Variants in SHOX2 observed in about 807,000 individuals in gnomAD.
The protein encoded by SHOX2 is SHOX homeobox 2, also known as short stature homeobox protein 2.
Under a neutral mutation model 31.3 loss-of-function variants are expected in SHOX2, and 13 were observed. The observed-to-expected ratio is 0.42, with a 90% CI of 0.27 to 0.66. The LOEUF (loss-of-function observed/expected upper bound fraction) is 0.66. Among genes scored for constraint, SHOX2 ranks in the 30% least tolerant of loss-of-function variants. The probability of loss-of-function intolerance (pLI) is 0.27; values close to 1 mark genes in which losing one functional copy is unlikely to be tolerated. For synonymous variants in SHOX2, 244 were observed against 196.2 expected (o/e 1.24, Z -2.04); for missense variants, 473 against 443.0 (o/e 1.07, Z -0.61).
chr3:158,098,018 G>T lies in SHOX2; in HGVS notation c.*9C>A. On this transcript the variant is annotated 3_prime_UTR_variant, in exon 5 of 5. Transcript: ENST00000483851. ...CGGGACAGGCGCGACATTGGTGCTG[G>T]CGTTGGCGTCACAGACCCAGGGCTG... 1.9e-6 allele frequency: 3 copies of T among 1,580,976 alleles called. No homozygotes were observed. The highest frequency in any genetic ancestry group is 2.2e-5 in the East Asian group (1 of 44,500).
In SHOX2 at chr3:158,102,724, C is replaced by A. The variant is rs942043648; in HGVS notation, c.509G>T (p.Arg170Leu). 6.2e-7 allele frequency: 1 copy of A among 1,614,136 alleles called. No individual in the cohort carries two copies. The highest frequency in any genetic ancestry group is 8.5e-7 in the Non-Finnish European group (1 of 1,180,038). The change falls in exon 2 of 5, where the codon CGA becomes CTA. Residue 170 changes from arginine (R) to leucine (L), a missense_variant. By Grantham distance (102) the Arg-to-Leu change is moderately radical. Around this residue, in one of 3 missense-constraint regions of SHOX2, gnomAD observed 15 missense variants for 45.8 expected, o/e 0.33. Coordinates refer to ENST00000483851, the MANE Select transcript of SHOX2 (RefSeq NM_001163678.2). ...DETHYPDAFM[R>L]EELSQRLGLS... ...GCCCAGTCGCTGGCTCAGTTCCTCTCGCATGAAGGCGTCGGGATAGTGGGT... is the reference window on the plus strand; with the variant it reads ...GCCCAGTCGCTGGCTCAGTTCCTCTAGCATGAAGGCGTCGGGATAGTGGGT...
intron 1 of SHOX2, chr3:158,105,433 A>C: frequency 1.7e-6 from 1 of 590,176 alleles, no homozygotes; most frequent in East Asian, 2.8e-5. Flanking sequence ...ACATCTGGGA[A>C]GGGCGCGCAC....
At chr3:158,100,900 A>G (rs1713450413) in intron 2 of SHOX2, among the ~76,000 whole-genome samples, 1 of 152,234 alleles carries the variant, frequency 6.6e-6, no homozygotes, top group South Asian at 2.1e-4. Flanking sequence ...TCTTTAGAAA[A>G]AGCCACTGTT....
At chr3:158,105,427 C>T (rs774419380) in intron 1 of SHOX2, 11 of 598,004 alleles carry the variant, frequency 1.8e-5, no homozygotes, top group Non-Finnish European at 3.3e-5. Flanking sequence ...ATGGGAACAT[C>T]TGGGAAGGGC....
chr3:158,106,059 C>T lies in SHOX2; in HGVS notation c.-35G>A, dbSNP rs1447715049. ...ACGTCAGCCCGGCGCTCAACCTCTG[C>T]CAGCAGAGCCCCGCTCTTTTTTTCC... On this transcript the variant is annotated 5_prime_UTR_variant, in exon 1 of 5. The change creates a premature stop within an existing upstream ORF in the 5' untranslated region. Coordinates refer to ENST00000483851, the MANE Select transcript of SHOX2 (RefSeq NM_001163678.2). The T allele has an allele frequency of 6.2e-7, 1 of 1,610,062 alleles. No homozygotes were observed. The highest frequency in any genetic ancestry group is 8.5e-7 in the Non-Finnish European group (1 of 1,178,028).
In SHOX2 at chr3:158,096,499, A is replaced by C. The variant is rs1364096303; in HGVS notation, c.*1528T>G. On this transcript the variant is annotated 3_prime_UTR_variant, in exon 5 of 5. Transcript: ENST00000483851. ...TTGTGAGATAAAATGCAAATGTTGA[A>C]AGTCAGTCCACACATTATAGTCAAA... The C allele has an allele frequency of 1.3e-5, 2 of 152,570 alleles. No homozygotes were observed. The highest frequency in any genetic ancestry group is 2.9e-5 in the Non-Finnish European group (2 of 68,012). 9.5% of individuals were successfully genotyped at this position (152,570 alleles called of 1,614,324 possible). A position where few individuals can be genotyped will look rare whatever the true frequency, so the allele number is the denominator to read the frequency against.
rs1239355718 is a variant in SHOX2 at position 158,104,919 on chromosome 3, C to G, written c.346+760G>C. 1.4e-5 allele frequency: 9 copies of G among 634,728 alleles called. No homozygotes were observed. The Middle Eastern group carries it at 1.3e-3, about 90-fold the overall frequency. The allele number at this position is 634,728 out of a possible 1,614,324, so 39.3% of individuals were successfully genotyped here. On this transcript the variant is annotated intron_variant, in intron 1 of 4. Coordinates refer to ENST00000483851, the MANE Select transcript of SHOX2 (RefSeq NM_001163678.2). ...GAACGCTCTGCCATTGAGATAAAGA[C>G]GTTTCCTAACACTGAGCTAGCACCA...
chr3:158,106,057 T>C lies in SHOX2; in HGVS notation c.-33A>G, dbSNP rs1286445972. On this transcript the variant is annotated 5_prime_UTR_variant, in exon 1 of 5. Transcript: ENST00000483851. The stretch of plus-strand genomic sequence containing the variant: ...GCACGTCAGCCCGGCGCTCAACCTC[T>C]GCCAGCAGAGCCCCGCTCTTTTTTT... 1.2e-6 allele frequency: 2 copies of C among 1,610,328 alleles called. No homozygotes were observed. Among genetic ancestry groups the C allele is most frequent in the Non-Finnish European group, 1.7e-6 (2 of 1,178,162 alleles).
In SHOX2 at chr3:158,106,303, A is replaced by G; in HGVS notation, c.-279T>C. ...GAGGAGAGGGAGGAGGAGGAGGAGA[A>G]GAGAAGGGGCGGGGGCTGCCGGAGG... is the stretch of plus-strand genomic sequence containing the variant. On this transcript the variant is annotated 5_prime_UTR_variant, in exon 1 of 5. Coordinates refer to ENST00000483851, the MANE Select transcript of SHOX2 (RefSeq NM_001163678.2). 7.1e-6 allele frequency: 3 copies of G among 424,988 alleles called. No homozygotes were observed. Among genetic ancestry groups the G allele is most frequent in the Non-Finnish European group, 8.3e-6 (2 of 240,256 alleles). 26.3% of individuals were successfully genotyped at this position (424,988 alleles called of 1,614,324 possible).
At chr3:158,099,634 C>T (rs2108123002) in intron 4 of SHOX2, among the ~76,000 whole-genome samples, 1 of 152,312 alleles carries the variant, frequency 6.6e-6, no homozygotes, top group South Asian at 2.1e-4. Context: ...TTACTGCCCC[C>T]AGGCCCCTTC....
At chr3:158,098,719 A>G (rs1185217565) in intron 4 of SHOX2, among the ~76,000 whole-genome samples, 1 of 152,226 alleles carries the variant, frequency 6.6e-6, no homozygotes, top group Non-Finnish European at 1.5e-5. Flanking sequence ...TTTTAATGTC[A>G]TTCAGGGAAG....
In SHOX2 at chr3:158,105,718, C is replaced by T; in HGVS notation, c.307G>A (p.Glu103Lys). 1 of 1,522,896 alleles carries T rather than the reference C, an allele frequency of 6.6e-7. No homozygotes were observed. The allele number at this position is 1,522,896 out of a possible 1,614,324, so 94.3% of individuals were successfully genotyped here. Residue 103 changes from glutamate (E) to lysine (K), a missense_variant, in exon 1 of 5, where the codon GAG (glutamate) becomes AAG (lysine). By Grantham distance (56) the Glu-to-Lys change is moderately conservative. Transcript: ENST00000483851. ...PVRELDMGAA[E>K]RSREPGSPRL... ...GGGCTGCCCGGCTCCCTGCTTCTCT[C>T]GGCGGCGCCCATGTCCAGCTCCCGG...
intron 4 of SHOX2, 76 bp downstream of exon 4, chr3:158,099,784 G>T: frequency 1.9e-6 from 2 of 1,058,076 alleles, no homozygotes; most frequent in Non-Finnish European, 2.9e-6. Context: ...CTCAGAGACA[G>T]GTGATGTTCA....
intron 2 of SHOX2, 21 bp from the exon 3 acceptor site, chr3:158,100,332 A>T (rs769269880): frequency 6.4e-7 from 1 of 1,570,754 alleles, no homozygotes; most frequent in South Asian, 1.2e-5. Flanking sequence ...GAGGGGGAAA[A>T]AAAATAAAAC....
At chr3:158,102,146 C>G (rs1407204329) in intron 2 of SHOX2, among the ~76,000 whole-genome samples, 1 of 152,230 alleles carries the variant, frequency 6.6e-6, no homozygotes, top group Non-Finnish European at 1.5e-5. Flanking sequence ...CGACCGCTAA[C>G]AGCAGACTGT....
At position 158,097,996 on chromosome 3, in the gene SHOX2, G is replaced by A. The variant is rs375001775; in HGVS notation, c.*31C>T. On this transcript the variant is annotated 3_prime_UTR_variant, in exon 5 of 5. Coordinates refer to ENST00000483851, the MANE Select transcript of SHOX2 (RefSeq NM_001163678.2). ...AGGGCGTGCAGGCTGAGTGCCGCGG[G>A]ACAGGCGCGACATTGGTGCTGGCGT... 68 of 1,562,880 alleles carry A rather than the reference G, an allele frequency of 4.4e-5. No homozygotes were observed. Among genetic ancestry groups the A allele is most frequent in the Middle Eastern group, 2.1e-4 (1 of 4,680 alleles).
chr3:158,096,889 A>AATATATATATATATATATAT lies in SHOX2; in HGVS notation c.*1118_*1137dup, dbSNP rs769658802. The AATATATATATATATATATAT allele has an allele frequency of 1.3e-4, 3 of 23,098 alleles. No individual in the cohort carries two copies. The highest frequency in any genetic ancestry group is 2.4e-4 in the Non-Finnish European group (3 of 12,288). The allele number at this position is 23,098 out of a possible 1,614,324, so 1.4% of individuals were successfully genotyped here. Reference sequence around the variant, plus strand: ...GTTCCCCAGGATCAAAGACAGGGCAAATATATATATATATATATATATATA... The same window carrying AATATATATATATATATATAT: ...GTTCCCCAGGATCAAAGACAGGGCAAATATATATATATATATATATATATATATATATATATATATATATA... On this transcript the variant is annotated 3_prime_UTR_variant, in exon 5 of 5. Transcript: ENST00000483851.
chr3:158,097,765 G>C lies in SHOX2; in HGVS notation c.*262C>G. ...TCTCTCTCCAGACTCCCCCAAACCC[G>C]CTCCTACAAAACCCAATTCTAGGCC... is the stretch of plus-strand genomic sequence containing the variant. On this transcript the variant is annotated 3_prime_UTR_variant, in exon 5 of 5. Transcript: ENST00000483851. The C allele has an allele frequency of 5.8e-6, 3 of 520,810 alleles. No homozygotes were observed. The South Asian group carries it at 7.5e-5, about 13-fold the overall frequency. The allele number at this position is 520,810 out of a possible 1,614,324, so 32.3% of individuals were successfully genotyped here. A position where few individuals can be genotyped will look rare whatever the true frequency, so the allele number is the denominator to read the frequency against.
In SHOX2 at chr3:158,099,987, G is replaced by A. The variant is rs199925547; in HGVS notation, c.614-39C>T. The A allele has an allele frequency of 3.6e-5, 56 of 1,551,212 alleles. No homozygotes were observed. The East Asian group carries it at 4.7e-4, about 13-fold the overall frequency. On this transcript the variant is annotated intron_variant, in intron 3 of 4. Transcript: ENST00000483851. ...AAGAGAAAAATAATGTGAGGTTAAC[G>A]TTTGTAGCATTTTTCAGGGTTCCAA...
Sources: allele counts gnomAD v4.1 joint callset (sites outside exome capture counted in the v4.1 genomes callset), GRCh38; gene constraint gnomAD v4.1.1; regional missense constraint gnomAD v4.1.1; transcripts MANE v1.5; gene names NCBI Gene and HGNC (gene_info 2026-07-23, HGNC 2026-07-21).